The following LRMDA variants were observed in gnomAD, a reference collection of about 807,000 sequenced individuals.
The protein encoded by LRMDA is leucine-rich melanocyte differentiation-associated protein.
LRMDA carries 18 observed loss-of-function variants against 29.8 expected under a neutral mutation model. The observed-to-expected ratio is 0.60, with a 90% CI of 0.42 to 0.90. The LOEUF (loss-of-function observed/expected upper bound fraction) is 0.90, where lower values mean the gene tolerates loss of function less well. Ranked by LOEUF, LRMDA falls within the 40% of genes least tolerant of loss-of-function variation. The pLI is 0.00. For synonymous variants in LRMDA, 125 were observed against 109.4 expected, an observed-to-expected ratio of 1.14 and a Z score of -0.89; for missense variants, 273 against 273.9, an observed-to-expected ratio of 1.00 and a Z score of 0.02.
chr10:75,601,245 T>C (rs970244853), intron 2 of LRMDA: 1 of 152,256 alleles, frequency 6.6e-6, no homozygotes, highest in Non-Finnish European at 1.5e-5. Context: ...CATGGATGGC[T>C]GCTCTTTCTT....
chr10:76,163,920 T>G (rs954070726), intron 5 of LRMDA, among the ~76,000 whole-genome samples: 1 of 152,118 alleles, frequency 6.6e-6, no homozygotes, highest in African/African-American at 2.4e-5. Flanking sequence ...TGATGGGAGA[T>G]TTAGTCAGGG....
intron 2 of LRMDA, among the ~76,000 whole-genome samples, chr10:75,940,969 G>A (rs1222194525): frequency 6.6e-6 from 1 of 152,060 alleles, no homozygotes; most frequent in East Asian, 1.9e-4. Context: ...ACACATTTTG[G>A]AGGGATTGTT....
intron 5 of LRMDA, among the ~76,000 whole-genome samples, chr10:76,230,339 G>C (rs538975009): frequency 4.6e-5 from 7 of 152,154 alleles, no homozygotes; most frequent in African/African-American, 1.7e-4. Flanking sequence ...AAATAATTGT[G>C]TATCTGTATG....
chr10:76,440,530 A>G (rs993320245), intron 6 of LRMDA, among the ~76,000 whole-genome samples: 1 of 112,252 alleles, frequency 8.9e-6, no homozygotes, highest in Non-Finnish European at 1.8e-5. Context: ...GTACAAGGCA[A>G]TTAACTTCAC....
intron 2 of LRMDA, among the ~76,000 whole-genome samples, chr10:75,881,630 A>G (rs1328770567): frequency 6.6e-6 from 1 of 152,142 alleles, no homozygotes; most frequent in Non-Finnish European, 1.5e-5. Context: ...GCTTTCCACA[A>G]CCAGTGAGAC....
chr10:76,043,036 G>A (rs944645891), intron 3 of LRMDA, among the ~76,000 whole-genome samples: 5 of 151,950 alleles, frequency 3.3e-5, no homozygotes, highest in African/African-American at 7.3e-5. Flanking sequence ...TTAGGAGTTC[G>A]AGACGAACCC....
intron 5 of LRMDA, among the ~76,000 whole-genome samples, chr10:76,113,914 C>T (rs1210551302): frequency 1.3e-5 from 2 of 152,106 alleles, no homozygotes; most frequent in East Asian, 1.9e-4. Context: ...CTGAAGGGAT[C>T]GAGGTTGGTT....
At chr10:75,805,005 A>T (rs1400995465) in intron 2 of LRMDA, among the ~76,000 whole-genome samples, 2 of 152,126 alleles carry the variant, frequency 1.3e-5, no homozygotes, top group Admixed American at 6.5e-5. Flanking sequence ...CTGGTGTGAG[A>T]CAGTGTTCCC....
At chr10:76,441,536 T>C (rs1404011143) in intron 6 of LRMDA, among the ~76,000 whole-genome samples, 1 of 152,128 alleles carries the variant, frequency 6.6e-6, no homozygotes, top group African/African-American at 2.4e-5. Flanking sequence ...CAAATACACC[T>C]AGGCCAAGGC....
intron 2 of LRMDA, among the ~76,000 whole-genome samples, chr10:75,646,869 G>A (rs542453239): frequency 2.0e-5 from 3 of 152,192 alleles, no homozygotes; most frequent in Admixed American, 6.5e-5. Flanking sequence ...AATCATGCAA[G>A]TTGTCAAGGA....
intron 5 of LRMDA, among the ~76,000 whole-genome samples, chr10:76,127,429 C>T (rs1209773968): frequency 6.6e-6 from 1 of 152,192 alleles, no homozygotes; most frequent in African/African-American, 2.4e-5. Flanking sequence ...CATGGCAGGG[C>T]ACTTCTGTTC....
intron 2 of LRMDA, among the ~76,000 whole-genome samples, chr10:75,742,432 A>T (rs1842841277): frequency 6.6e-6 from 1 of 152,206 alleles, no homozygotes; most frequent in South Asian, 2.1e-4. Context: ...GTGGGGAAAT[A>T]ATGGGAAGTC....
At chr10:76,214,502 G>A (rs1281213647) in intron 5 of LRMDA, among the ~76,000 whole-genome samples, 2 of 150,658 alleles carry the variant, frequency 1.3e-5, no homozygotes, top group Non-Finnish European at 3.0e-5. Flanking sequence ...CCACCACCGC[G>A]CCCGGCTAAT....
At chr10:76,149,613 C>CA (rs2132163399) in intron 5 of LRMDA, among the ~76,000 whole-genome samples, 1 of 152,254 alleles carries the variant, frequency 6.6e-6, no homozygotes, top group South Asian at 2.1e-4. Flanking sequence ...TAAAAGCCTA[C>CA]AAATTTTGGC....
intron 2 of LRMDA, among the ~76,000 whole-genome samples, chr10:76,029,363 C>G (rs1291138348): frequency 2.0e-5 from 3 of 151,980 alleles, no homozygotes; most frequent in Admixed American, 2.0e-4. Context: ...AATTATAAGC[C>G]TTGACAATGA....
chr10:76,181,312 CT>C (rs1314669191), intron 5 of LRMDA, among the ~76,000 whole-genome samples: 2 of 152,204 alleles, frequency 1.3e-5, no homozygotes, highest in East Asian at 3.9e-4. Flanking sequence ...TCATCAATTG[CT>C]TTGTTTGTGC....
At chr10:76,552,868 A>G (rs1034022977) in intron 6 of LRMDA, among the ~76,000 whole-genome samples, 5 of 152,330 alleles carry the variant, frequency 3.3e-5, no homozygotes, top group African/African-American at 1.2e-4. Context: ...CTCCCCCAGC[A>G]AAATCTCTGG....
intron 6 of LRMDA, among the ~76,000 whole-genome samples, chr10:76,456,123 C>A (rs1405012260): frequency 6.6e-6 from 1 of 152,140 alleles, no homozygotes; most frequent in Admixed American, 6.5e-5. Flanking sequence ...CGTTCGGTCT[C>A]CATTTTGTTC....
chr10:75,782,865 C>A (rs777221946), intron 2 of LRMDA: 46 of 1,561,424 alleles, frequency 2.9e-5, no homozygotes, highest in Non-Finnish European at 4.0e-5. Context: ...TTTTCCCTTG[C>A]CCCCAAAGCC....
Sources: allele counts gnomAD v4.1 joint callset (sites outside exome capture counted in the v4.1 genomes callset), GRCh38; gene constraint gnomAD v4.1.1; transcripts MANE v1.5; gene names NCBI Gene and HGNC (gene_info 2026-07-23, HGNC 2026-07-21).